Variants in C14orf39 observed in about 807,000 individuals in gnomAD.
C14orf39 encodes the protein chromosome 14 open reading frame 39, also known as protein SIX6OS1.
A neutral mutation model predicts 85.6 loss-of-function variants in C14orf39; 66 were observed. The observed-to-expected ratio is 0.77, with a 90% CI of 0.63 to 0.95. The LOEUF (loss-of-function observed/expected upper bound fraction) is 0.95, where lower values mean the gene tolerates loss of function less well. C14orf39 is among the 40% of genes least tolerant of loss of function. The pLI, the probability that C14orf39 is intolerant of heterozygous loss-of-function variation, is 0.00. For missense variants in C14orf39, 735 were observed against 663.9 expected, an observed-to-expected ratio of 1.11 and a Z score of -1.18; for synonymous variants, 242 against 214.0, an observed-to-expected ratio of 1.13 and a Z score of -1.14.
chr14:60,496,242 T>C (rs1028510523), intron 2 of C14orf39: 3 of 403,816 alleles, frequency 7.4e-6, no homozygotes, highest in Non-Finnish European at 1.5e-5. Context: ...GGATCTGCTG[T>C]AGCTGCTGCA....
upstream of C14orf39, among the ~76,000 whole-genome samples, chr14:60,489,946 T>C (rs1204385943): frequency 1.3e-5 from 2 of 152,230 alleles, no homozygotes; most frequent in Non-Finnish European, 1.5e-5. Flanking sequence ...AAGATGACAA[T>C]GACCTCATGA....
At chr14:60,458,008 CTG>C (rs1158603353) in intron 14 of C14orf39, among the ~76,000 whole-genome samples, 6 of 151,854 alleles carry the variant, frequency 4.0e-5, no homozygotes, top group African/African-American at 1.4e-4. Flanking sequence ...TGATGCATAA[CTG>C]TACATAGTTT....
At position 60,499,771 on chromosome 14, in the gene C14orf39, A is replaced by G. The variant is rs1893113669; in HGVS notation, c.-143-341T>C. ...AAAACTGTGAAGAAATATTGGCAAT[A>G]CACGACAAGAAAAAATATATATCCT... On this transcript the variant is annotated intron_variant, in intron 1 of 5. Transcript: ENST00000556799. Among the ~76,000 whole-genome samples, 6 of 152,374 alleles carry G rather than the reference A, an allele frequency of 3.9e-5. No homozygotes were observed. In the South Asian group the frequency reaches 1.2e-3, roughly 32 times the overall value.
At chr14:60,445,468 A>G (rs940263203) in intron 16 of C14orf39, among the ~76,000 whole-genome samples, 4 of 152,234 alleles carry the variant, frequency 2.6e-5, no homozygotes, top group African/African-American at 9.6e-5. Context: ...GAGATAATGA[A>G]GGCTATTACA....
intron 16 of C14orf39, among the ~76,000 whole-genome samples, chr14:60,443,397 T>TGCCCAA (rs1382689392): frequency 1.3e-5 from 2 of 152,184 alleles, no homozygotes. Flanking sequence ...GTGAGTGCCA[T>TGCCCAA]GCCCAAGGAG....
intron 7 of C14orf39, among the ~76,000 whole-genome samples, chr14:60,470,575 T>G (rs1566672273): frequency 2.0e-5 from 3 of 151,866 alleles, no homozygotes; most frequent in Admixed American, 6.6e-5. Context: ...CACATCCAAC[T>G]CCCTAAACCC....
upstream of C14orf39, among the ~76,000 whole-genome samples, chr14:60,488,771 G>T (rs1196983070): frequency 6.6e-6 from 1 of 151,924 alleles, no homozygotes; most frequent in East Asian, 1.9e-4. Flanking sequence ...ACTTTCTCAG[G>T]TAATCAAGAC....
In C14orf39 at chr14:60,494,277, C is replaced by G. The variant is rs114302557; in HGVS notation, c.-9+5019G>C. The G allele has an allele frequency of 3.2e-3, 548 of 169,984 alleles. 4 individuals are homozygous for G. Among genetic ancestry groups the G allele is most frequent in the African/African-American group, 0.012 (503 of 41,950 alleles). 10.5% of individuals were successfully genotyped at this position (169,984 alleles called of 1,614,324 possible). On this transcript the variant is annotated intron_variant, in intron 2 of 5. Coordinates refer to the C14orf39 transcript ENST00000556799. ...GCATGTCTAGTTATTGTTTACCTTG[C>G]GCATCATATAGTGGACCTTCAAGTT...
chr14:60,452,060 G>A (rs952795470), intron 16 of C14orf39, among the ~76,000 whole-genome samples: 2 of 150,224 alleles, frequency 1.3e-5, no homozygotes, highest in East Asian at 3.9e-4. Context: ...GGTGGCACAC[G>A]CCTATAGTCC....
intron 16 of C14orf39, among the ~76,000 whole-genome samples, chr14:60,445,921 C>A (rs1228283089): frequency 6.6e-6 from 1 of 152,148 alleles, no homozygotes; most frequent in African/African-American, 2.4e-5. Context: ...CTCAAACCCC[C>A]ACAACTACAT....
rs565703940 is a variant in C14orf39, at chr14:60,451,571, G to A, written c.1503+3430C>T. ...ATGAAGCTGGAAACCATCATTCTGA[G>A]CAAACTATCACAAGGACAGAAAACT... On this transcript the variant is annotated intron_variant, in intron 16 of 17. Transcript: ENST00000321731. Among the ~76,000 whole-genome samples the A allele has an allele frequency of 1.5e-3, 231 of 151,892 alleles. 1 individual carries two copies. Among genetic ancestry groups the A allele is most frequent in the Admixed American group, 2.8e-3 (43 of 15,238 alleles).
intron 11 of C14orf39, among the ~76,000 whole-genome samples, chr14:60,465,527 G>GTTT (rs1261368707): frequency 1.1e-4 from 16 of 151,946 alleles, no homozygotes; most frequent in African/African-American, 3.9e-4. Context: ...ATGAACAGGG[G>GTTT]GTTAAGTAAA....
intron 1 of C14orf39, chr14:60,509,704 G>A: frequency 1.9e-6 from 3 of 1,614,130 alleles, no homozygotes; most frequent in Non-Finnish European, 2.5e-6. Flanking sequence ...CTGAGAAGCT[G>A]CGTGGAAGAC....
chr14:60,457,268 T>G, intron 14 of C14orf39, among the ~76,000 whole-genome samples, 173 bp from the exon 15 acceptor site: 1 of 152,116 alleles, frequency 6.6e-6, no homozygotes, highest in Non-Finnish European at 1.5e-5. Context: ...TATATCAAAA[T>G]ATAGAAAAAT....
intron 1 of C14orf39, chr14:60,508,829 T>G: frequency 6.3e-6 from 1 of 158,464 alleles, no homozygotes; most frequent in Non-Finnish European, 1.4e-5. Flanking sequence ...CGCCCCAAAG[T>G]GAATTCCTGA....
chr14:60,495,245 C>A, intron 2 of C14orf39: 1 of 215,024 alleles, frequency 4.7e-6, no homozygotes, highest in South Asian at 8.6e-5. Context: ...GTGGACTTGT[C>A]AATGTTCTCC....
intron 1 of C14orf39, among the ~76,000 whole-genome samples, chr14:60,514,127 C>G (rs1893329822): frequency 6.6e-6 from 1 of 152,188 alleles, no homozygotes; most frequent in Non-Finnish European, 1.5e-5. Flanking sequence ...CAGATCTTCA[C>G]AGAGATTTAT....
At chr14:60,509,224 T>C in intron 1 of C14orf39, 1 of 629,174 alleles carries the variant, frequency 1.6e-6, no homozygotes. Flanking sequence ...CAGCACCTCC[T>C]CCAGTCGGGG....
At chr14:60,443,031 G>C (rs1023416082) in intron 16 of C14orf39, among the ~76,000 whole-genome samples, 5 of 151,622 alleles carry the variant, frequency 3.3e-5, no homozygotes, top group African/African-American at 1.2e-4. Flanking sequence ...TTAACATATA[G>C]AAGTTTAGAT....
Sources: allele counts gnomAD v4.1 joint callset (sites outside exome capture counted in the v4.1 genomes callset), GRCh38; gene constraint gnomAD v4.1.1; transcripts MANE v1.5; gene names NCBI Gene and HGNC (gene_info 2026-07-23, HGNC 2026-07-21).